Variants in MIDEAS observed in about 807,000 individuals in gnomAD.
MIDEAS encodes mitotic deacetylase-associated SANT domain protein.
MIDEAS carries 26 observed loss-of-function variants against 102.7 expected under a neutral mutation model. The ratio of observed to expected loss-of-function variants is 0.25; its 90% CI spans 0.19 to 0.35. MIDEAS has a LOEUF of 0.35. Among genes scored for constraint, MIDEAS ranks in the 10% least tolerant of loss-of-function variants. The pLI, the probability that MIDEAS is intolerant of heterozygous loss-of-function variation, is 1.00. For missense variants in MIDEAS, 1,231 were observed against 1,435.6 expected, an observed-to-expected ratio of 0.86 and a Z score of 2.30; for synonymous variants, 585 against 591.0, an observed-to-expected ratio of 0.99 and a Z score of 0.15.
chr14:73,786,677 C>G (rs931011012), intron 1 of MIDEAS, among the ~76,000 whole-genome samples: 1 of 152,242 alleles, frequency 6.6e-6, no homozygotes, highest in South Asian at 2.1e-4. Context: ...CCTTTAACTT[C>G]CTTCCTGCGC....
Position 73,738,692 on chromosome 14 carries a change from T to A in MIDEAS, c.1317A>T (p.Thr439=), listed in dbSNP as rs369905367. The part of the protein sequence containing the change: ...GSEEGMRAVS[T]GDCGQVLRGG... Reference sequence around the variant, plus strand: ...CCCGTAGCACCTGCCCACAGTCCCCTGTGCTCACTGCCCTCATGCCCTCCT... The same window carrying A: ...CCCGTAGCACCTGCCCACAGTCCCCAGTGCTCACTGCCCTCATGCCCTCCT... The change falls in exon 2 of 13, where the codon ACA becomes ACT. Residue 439 remains threonine (T), a synonymous_variant. Transcript: ENST00000423556. 1.2e-6 allele frequency: 2 copies of A among 1,613,674 alleles called. No homozygotes were observed. The highest frequency in any genetic ancestry group is 2.7e-5 in the African/African-American group (2 of 74,962).
chr14:73,782,958 G>A (rs2053769671), intron 1 of MIDEAS, among the ~76,000 whole-genome samples: 1 of 152,124 alleles, frequency 6.6e-6, no homozygotes, highest in Non-Finnish European at 1.5e-5. Flanking sequence ...GCTTGGCTTG[G>A]GTGTCCAAGT....
intron 1 of MIDEAS, among the ~76,000 whole-genome samples, chr14:73,771,709 G>A (rs752203178): frequency 6.6e-5 from 10 of 152,374 alleles, no homozygotes; most frequent in Non-Finnish European, 1.5e-4. Context: ...AAGACGTGGG[G>A]TCAGACGGCC....
At chr14:73,737,995 C>T (rs2053225308) in intron 2 of MIDEAS, among the ~76,000 whole-genome samples, 1 of 151,922 alleles carries the variant, frequency 6.6e-6, no homozygotes, top group African/African-American at 2.4e-5. Context: ...GTTGGCCAGG[C>T]TGGTCTCCCA....
rs569935956 is a variant in MIDEAS, at chr14:73,735,882, T to G, written c.1749+1116A>C. Among the ~76,000 whole-genome samples, 20 of 152,182 alleles carry G rather than the reference T, an allele frequency of 1.3e-4. No individual in the cohort carries two copies. The South Asian group carries it at 3.9e-3, about 30-fold the overall frequency. ...TCATGTAAAGTAAGAATTGGCCGGG[T>G]GCGGTGGCCCACCTCTGCAATCCTA... On this transcript the variant is annotated intron_variant, in intron 3 of 12. Coordinates refer to ENST00000423556, the MANE Select transcript of MIDEAS (RefSeq NM_001367710.1).
At chr14:73,748,360 G>A (rs751547072) in intron 1 of MIDEAS, among the ~76,000 whole-genome samples, 2 of 152,226 alleles carry the variant, frequency 1.3e-5, no homozygotes, top group Non-Finnish European at 2.9e-5. Context: ...TACATTCAGA[G>A]ATATAAATAG....
chr14:73,759,073 G>A lies in MIDEAS; in HGVS notation c.-248+690C>T, dbSNP rs1023227565. Among the ~76,000 whole-genome samples the A allele has an allele frequency of 6.6e-6, 1 of 152,062 alleles. No homozygotes were observed. The highest frequency in any genetic ancestry group is 1.5e-5 in the Non-Finnish European group (1 of 67,968). On this transcript the variant is annotated intron_variant, in intron 1 of 12. Coordinates refer to ENST00000423556, the MANE Select transcript of MIDEAS (RefSeq NM_001367710.1). This position sits in a 1 kb window ranked among gnomAD's most constrained non-coding sequence, Gnocchi z 6.7. ...CTGGGAGGGCTGCGGCGGCGCGGGC[G>A]TGCGGGGGCGCGCGGGAGGATGACA...
rs562372977 is a variant in MIDEAS at position 73,733,088 on chromosome 14, G to A, written c.1750-3103C>T. On this transcript the variant is annotated intron_variant, in intron 3 of 12. Transcript: ENST00000423556. ...GCCTGAGCCACAAGGGCGAAACCCC[G>A]TCTCAAAAAAAAAAGAAAATAAAAA... Among the ~76,000 whole-genome samples, 44 of 151,416 alleles carry A rather than the reference G, an allele frequency of 2.9e-4. No individual in the cohort carries two copies. The Middle Eastern group carries it at 0.01, about 35-fold the overall frequency.
At chr14:73,735,160 A>C (rs2140116130) in intron 3 of MIDEAS, among the ~76,000 whole-genome samples, 1 of 152,314 alleles carries the variant, frequency 6.6e-6, no homozygotes, top group African/African-American at 2.4e-5. Context: ...GTTAGGAAAA[A>C]AGAATAAGTT....
chr14:73,739,867 C>G lies in MIDEAS; in HGVS notation c.142G>C (p.Gly48Arg), dbSNP rs375926720. 12 of 1,588,708 alleles carry G rather than the reference C, an allele frequency of 7.6e-6. No homozygotes were observed. The highest frequency in any genetic ancestry group is 2.7e-5 in the African/African-American group (2 of 74,260). Residue 48 changes from glycine (G) to arginine (R), a missense_variant, in exon 2 of 13, where the codon GGG (glycine) becomes CGG (arginine). By Grantham distance (125) the Gly-to-Arg change is moderately radical. Coordinates refer to ENST00000423556, the MANE Select transcript of MIDEAS (RefSeq NM_001367710.1). The stretch of plus-strand genomic sequence containing the variant: ...ACTGCCCCTCCTGGACCCTCGTGCC[C>G]GAGGTACTGCTCCTCCTTCACTCTG... Reference protein sequence around the residue: ...SIRVKEEQYLGHEGPGGAVST... With the variant: ...SIRVKEEQYLRHEGPGGAVST...
At chr14:73,736,461 C>G (rs1282226480) in intron 3 of MIDEAS, among the ~76,000 whole-genome samples, 3 of 152,014 alleles carry the variant, frequency 2.0e-5, no homozygotes, top group Non-Finnish European at 4.4e-5. Flanking sequence ...GAAACCCCAT[C>G]TCTACTAAAA....
At position 73,721,306 on chromosome 14, in the gene MIDEAS, G is replaced by A. The variant is rs1566581521; in HGVS notation, c.2928C>T (p.Ala976=). 6.2e-7 allele frequency: 1 copy of A among 1,612,878 alleles called. No individual in the cohort carries two copies. The highest frequency in any genetic ancestry group is 1.3e-5 in the African/African-American group (1 of 75,008). ...TGGTGGTCACACTCACCGACTCATT[G>A]GCCTGTAGTGTCTGCGTGGCTTTGA... ...AAVKATQTLQ[A]NESASDILIL... is the part of the protein sequence containing the mutation. The change falls in exon 11 of 13, where the codon GCC becomes GCT. Residue 976 remains alanine, a synonymous_variant. Transcript: ENST00000423556.
In MIDEAS at chr14:73,719,364, T is replaced by C. The variant is rs776155659; in HGVS notation, c.3075A>G (p.Thr1025=). Residue 1025 remains threonine (T), a synonymous_variant, in exon 12 of 13, where the codon ACA becomes ACG. Transcript: ENST00000423556. ...ALPFSEKKKK[T]ETFSKTQNQE... ...GATTCTGGGTCTTACTGAATGTCTC[T>C]GTTTTTTTCTTCTTCTCTGAAAAAG... The C allele has an allele frequency of 1.2e-6, 2 of 1,614,028 alleles. No individual in the cohort carries two copies. Among genetic ancestry groups the C allele is most frequent in the Non-Finnish European group, 1.7e-6 (2 of 1,179,980 alleles).
Position 73,738,269 on chromosome 14 carries a change from G to A in MIDEAS, c.1449+291C>T, listed in dbSNP as rs59616738. Among the ~76,000 whole-genome samples the A allele has an allele frequency of 5.4e-3, 821 of 152,058 alleles. 4 individuals carry two copies. Among genetic ancestry groups the A allele is most frequent in the African/African-American group, 0.019 (781 of 41,520 alleles). On this transcript the variant is annotated intron_variant, in intron 2 of 12. Coordinates refer to ENST00000423556, the MANE Select transcript of MIDEAS (RefSeq NM_001367710.1). Reference sequence around the variant, plus strand: ...AAATTAGCCAGGCATGGTGGCAGGCGCCTGTAATCCCAGCTACTCGGGGAG... The same window carrying A: ...AAATTAGCCAGGCATGGTGGCAGGCACCTGTAATCCCAGCTACTCGGGGAG...
intron 1 of MIDEAS, among the ~76,000 whole-genome samples, chr14:73,766,162 CTGTTTATCTTTACTCCATCACCTGCACAT>C (rs1418598652): frequency 2.0e-5 from 3 of 152,234 alleles, no homozygotes; most frequent in Non-Finnish European, 4.4e-5. Context: ...ATGGCATCCT[CTGTTTATCTTTACTCCATCACCTGCACAT>C]TGTTCTACAC....
chr14:73,734,411 T>C (rs1162476284), intron 3 of MIDEAS, among the ~76,000 whole-genome samples: 2 of 152,060 alleles, frequency 1.3e-5, no homozygotes, highest in African/African-American at 4.8e-5. Flanking sequence ...GGGTTTTTTG[T>C]TTTTGTTTTG....
chr14:73,728,254 TAAA>T (rs11318877), intron 4 of MIDEAS: 99 of 127,936 alleles, frequency 7.7e-4, no homozygotes, highest in Admixed American at 1.1e-3. Context: ...CTCCTTTGCT[TAAA>T]AAAAAAAAAA....
chr14:73,754,590 C>T (rs949677831), intron 1 of MIDEAS, among the ~76,000 whole-genome samples: 8 of 152,200 alleles, frequency 5.3e-5, no homozygotes, highest in African/African-American at 1.7e-4. Flanking sequence ...CATCTCACCA[C>T]CTCTCGGCTT....
Position 73,737,280 on chromosome 14 carries a change from T to G in MIDEAS, c.1467A>C (p.Glu489Asp), listed in dbSNP as rs74917459. The G allele has an allele frequency of 3.1e-4, 498 of 1,609,996 alleles. 7 individuals are homozygous for G. In the East Asian group the frequency reaches 6.8e-3, roughly 22 times the overall value. ...AGGCCAATACACTTTTCCGCTTCTC[T>G]TCAGAACCACTGCCATCCTGGACAA... The part of the protein sequence containing the change: ...LQNAKDGSGS[E>D]EKRKSVLAST... The change falls in exon 3 of 13, where the codon GAA becomes GAC. Residue 489 changes from glutamate (E) to aspartate (D), a missense_variant. Physicochemically the swap from Glu to Asp is conservative, Grantham distance 45. This residue lies in a region of MIDEAS where 758 missense variants were observed against 856.0 expected (regional missense o/e 0.89). Coordinates refer to ENST00000423556, the MANE Select transcript of MIDEAS (RefSeq NM_001367710.1).
Sources: allele counts gnomAD v4.1 joint callset (sites outside exome capture counted in the v4.1 genomes callset), GRCh38; gene constraint gnomAD v4.1.1; regional missense constraint gnomAD v4.1.1; non-coding constraint Gnocchi (gnomAD v3.1); transcripts MANE v1.5; gene names NCBI Gene and HGNC (gene_info 2026-07-23, HGNC 2026-07-21).